The following GK5 variants were observed in gnomAD, a reference collection of about 807,000 sequenced individuals.
GK5 encodes the protein glycerol kinase 5, also known as ATP:glycerol 3-phosphotransferase 5.
GK5 carries 39 observed loss-of-function variants against 77.3 expected under a neutral mutation model. That is an observed-to-expected ratio of 0.50 (90% CI 0.39 to 0.66). The LOEUF (loss-of-function observed/expected upper bound fraction) is 0.66, where lower values mean the gene tolerates loss of function less well. Among genes scored for constraint, GK5 ranks in the 30% least tolerant of loss-of-function variants. The pLI, the probability that GK5 is intolerant of heterozygous loss-of-function variation, is 0.00. For missense variants in GK5, 487 were observed against 633.8 expected (o/e 0.77, Z 2.49); for synonymous variants, 211 against 208.0 (o/e 1.01, Z -0.13).
intron 12 of GK5, among the ~76,000 whole-genome samples, chr3:142,174,847 G>A (rs978950793): frequency 3.9e-5 from 6 of 152,130 alleles, no homozygotes; most frequent in Admixed American, 6.5e-5. Context: ...CAGGAAACCC[G>A]AAGAAAAAGA....
chr3:142,198,876 TA>T lies in GK5; in HGVS notation c.468del (p.Phe156LeufsTer15), dbSNP rs1461565348. 6.2e-7 allele frequency: 1 copy of T among 1,613,424 alleles called. No individual in the cohort carries two copies. On this transcript the variant is annotated frameshift_variant, in exon 5 of 16. Transcript: ENST00000392993. LOFTEE classifies it high-confidence loss of function. ...LHFFTRSKRLFTASLFTFTTQ... is the reference protein window; with the variant it reads ...LHFFTRSKRLXTASLFTFTTQ... ...GTTGTGAAAGTGAACAAACTGGCTG[TA>T]AAAAGTCGTTTACTTCTAGTGAAAA...
rs1274005486 is a variant in GK5 at position 142,164,539 on chromosome 3, T to C, written c.*1083A>G. 1 of 152,272 alleles carries C rather than the reference T, an allele frequency of 6.6e-6. No homozygotes were observed. The highest frequency in any genetic ancestry group is 1.5e-5 in the Non-Finnish European group (1 of 68,086). The allele number at this position is 152,272 out of a possible 1,614,324, so 9.4% of individuals were successfully genotyped here. A position where few individuals can be genotyped will look rare whatever the true frequency, so the allele number is the denominator to read the frequency against. ...GTCCTTGTTGCTCCCTGTGGATCTC[T>C]GGCTGAGTGGCTAAAGGGCAATCCT... On this transcript the variant is annotated 3_prime_UTR_variant, in exon 16 of 16. Coordinates refer to ENST00000392993, the MANE Select transcript of GK5 (RefSeq NM_001039547.3).
intron 4 of GK5, 131 bp from the exon 5 acceptor site, chr3:142,199,064 TA>T: frequency 5.1e-6 from 3 of 585,368 alleles, no homozygotes; most frequent in Non-Finnish European, 8.3e-6. Context: ...TTTCTGCAAT[TA>T]AGAAAATAAA....
rs369073393 is a variant in GK5, at chr3:142,182,959, T to C, written c.907A>G (p.Ile303Val). 29 of 1,612,302 alleles carry C rather than the reference T, an allele frequency of 1.8e-5. No individual in the cohort carries two copies. The African/African-American group carries it at 3.3e-4, about 19-fold the overall frequency. The change falls in exon 10 of 16, where the codon ATT (isoleucine) becomes GTT (valine). Residue 303 changes from isoleucine to valine, a missense_variant. Transcript: ENST00000392993. ...LTMGTGTFLD[I>V]NTGNSLQQTT... ...TGTTGAAGGCTATTTCCAGTGTTAA[T>C]ATCCAAAAATGTCCCAGTTCCCATG...
intron 9 of GK5, chr3:142,185,412 C>CAA (rs58554339): frequency 8.2e-4 from 597 of 723,658 alleles, no homozygotes; most frequent in East Asian, 1.3e-3. Flanking sequence ...GACCCTGTCT[C>CAA]AAAAAAAAAA....
chr3:142,162,246 C>T lies in GK5; in HGVS notation c.*3376G>A, dbSNP rs1303339253. 1.3e-5 allele frequency: 2 copies of T among 152,164 alleles called. No individual in the cohort carries two copies. Among genetic ancestry groups the T allele is most frequent in the African/African-American group, 4.8e-5 (2 of 41,448 alleles). 9.4% of individuals were successfully genotyped at this position (152,164 alleles called of 1,614,324 possible). ...TATGACACTATATTCACTGAGTCTT[C>T]GATTTTCTTCTAACAGCCTGTATCA... On this transcript the variant is annotated 3_prime_UTR_variant, in exon 16 of 16. Transcript: ENST00000392993.
intron 5 of GK5, among the ~76,000 whole-genome samples, chr3:142,192,926 C>T (rs1240719277): frequency 2.0e-5 from 3 of 152,110 alleles, no homozygotes; most frequent in African/African-American, 7.2e-5. Flanking sequence ...AGTCTATATA[C>T]TATATGATTC....
chr3:142,205,040 T>C (rs2064084291), intron 3 of GK5, among the ~76,000 whole-genome samples: 1 of 151,974 alleles, frequency 6.6e-6, no homozygotes, highest in Non-Finnish European at 1.5e-5. Context: ...TTTGAAGACC[T>C]GCTCTACACA....
At chr3:142,206,923 T>A (rs2064116640) in intron 3 of GK5, among the ~76,000 whole-genome samples, 1 of 152,210 alleles carries the variant, frequency 6.6e-6, no homozygotes, top group East Asian at 1.9e-4. Flanking sequence ...ACGGTTCATT[T>A]AAATCAGAGA....
At position 142,185,632 on chromosome 3, in the gene GK5, C is replaced by T. The variant is rs6785098; in HGVS notation, c.816+297G>A. On this transcript the variant is annotated intron_variant, in intron 9 of 15. Coordinates refer to ENST00000392993, the MANE Select transcript of GK5 (RefSeq NM_001039547.3). Reference sequence around the variant, plus strand: ...AGAGTACCAAATGTAAACTAAATACCACTCAGAATTAAAAAAAATTTTTTT... The same window carrying T: ...AGAGTACCAAATGTAAACTAAATACTACTCAGAATTAAAAAAAATTTTTTT... 475,287 of 1,163,712 alleles carry T rather than the reference C, an allele frequency of 0.41. 103,821 individuals are homozygous for T. Among genetic ancestry groups the T allele is most frequent in the African/African-American group, 0.82 (50,979 of 61,948 alleles). The allele number at this position is 1,163,712 out of a possible 1,614,324, so 72.1% of individuals were successfully genotyped here.
chr3:142,172,184 A>C (rs2063548340), intron 13 of GK5, among the ~76,000 whole-genome samples, 169 bp downstream of exon 13: 2 of 152,168 alleles, frequency 1.3e-5, no homozygotes, highest in Non-Finnish European at 2.9e-5. Flanking sequence ...AATAAGAAAG[A>C]TACCATGGAA....
chr3:142,171,809 A>G (rs577651958), intron 13 of GK5, among the ~76,000 whole-genome samples: 1 of 152,312 alleles, frequency 6.6e-6, no homozygotes, highest in African/African-American at 2.4e-5. Context: ...ATGACAAACC[A>G]TAAGTAAAAT....
intron 5 of GK5, among the ~76,000 whole-genome samples, chr3:142,190,361 C>T (rs1310025791): frequency 6.6e-6 from 1 of 151,802 alleles, no homozygotes; most frequent in East Asian, 1.9e-4. Context: ...CTTACATCCT[C>T]ACAAAAAAAA....
intron 11 of GK5, among the ~76,000 whole-genome samples, chr3:142,180,794 T>C (rs1328784488): frequency 6.6e-6 from 1 of 152,102 alleles, no homozygotes; most frequent in Non-Finnish European, 1.5e-5. Flanking sequence ...AGTCAAAAGG[T>C]ACCAGGGAGA....
chr3:142,218,134 G>GACT (rs990242517), intron 1 of GK5, among the ~76,000 whole-genome samples: 20 of 150,978 alleles, frequency 1.3e-4, no homozygotes, highest in African/African-American at 4.9e-4. Context: ...ACACAAATAT[G>GACT]ACTAGCTGAT....
intron 12 of GK5, among the ~76,000 whole-genome samples, chr3:142,173,608 C>T (rs550558024): frequency 6.6e-6 from 1 of 152,184 alleles, no homozygotes; most frequent in East Asian, 1.9e-4. Context: ...GGCGTGAACC[C>T]GGGAGGCGGA....
At chr3:142,176,658 AT>A (rs1219207632) in intron 12 of GK5, among the ~76,000 whole-genome samples, 2,595 of 105,202 alleles carry the variant, frequency 0.025, 45 homozygotes, top group African/African-American at 0.08. Flanking sequence ...GGAGATTTTG[AT>A]TTTTTTTTTT....
intron 14 of GK5, among the ~76,000 whole-genome samples, 172 bp downstream of exon 14, chr3:142,171,247 A>T (rs55726682): frequency 0.12 from 12,739 of 106,888 alleles, 637 homozygotes; most frequent in Middle Eastern, 0.17. Flanking sequence ...AATACAAATT[A>T]AAAAAAAAAG....
chr3:142,219,137 C>T (rs2064311034), intron 1 of GK5, among the ~76,000 whole-genome samples: 1 of 152,172 alleles, frequency 6.6e-6, no homozygotes, highest in South Asian at 2.1e-4. Flanking sequence ...TATGGCCACT[C>T]TGAATTTCTT....
Sources: gnomAD v4.1 joint callset for allele counts (sites outside exome capture counted in the v4.1 genomes callset) on GRCh38, gnomAD v4.1.1 for gene constraint, MANE v1.5 for transcripts, NCBI Gene and HGNC (gene_info 2026-07-23, HGNC 2026-07-21) for gene names.